The following SND1 variants were observed in gnomAD, a reference collection of about 807,000 sequenced individuals.
The protein encoded by SND1 is staphylococcal nuclease and tudor domain containing 1.
A neutral mutation model predicts 121.7 loss-of-function variants in SND1; 38 were observed. That is an observed-to-expected ratio of 0.31 (90% CI 0.24 to 0.41). The LOEUF is 0.41. SND1 is among the 10% of genes least tolerant of loss of function. The pLI, the probability that SND1 is intolerant of heterozygous loss-of-function variation, is 1.00. For missense variants in SND1, 868 were observed against 1,184.6 expected, an observed-to-expected ratio of 0.73 and a Z score of 3.92; for synonymous variants, 401 against 447.4, an observed-to-expected ratio of 0.90 and a Z score of 1.31.
At chr7:127,881,992 C>T (rs2116719303) in intron 12 of SND1, among the ~76,000 whole-genome samples, 1 of 152,246 alleles carries the variant, frequency 6.6e-6, no homozygotes, top group Non-Finnish European at 1.5e-5. Flanking sequence ...GTGGCTCATG[C>T]CTGTAATCTC....
intron 10 of SND1, among the ~76,000 whole-genome samples, chr7:127,802,088 A>G (rs1029614066): frequency 6.6e-6 from 1 of 151,844 alleles, no homozygotes; most frequent in African/African-American, 2.4e-5. Flanking sequence ...CTCATGATCC[A>G]CCTTCCTTGG....
chr7:127,750,568 C>T (rs760534905), intron 10 of SND1, among the ~76,000 whole-genome samples: 1 of 152,152 alleles, frequency 6.6e-6, no homozygotes, highest in Non-Finnish European at 1.5e-5. Context: ...TATTCCTTAT[C>T]TGAAATGCTT....
chr7:127,839,224 A>G (rs1013668160), intron 11 of SND1, among the ~76,000 whole-genome samples: 1 of 152,170 alleles, frequency 6.6e-6, no homozygotes, highest in Non-Finnish European at 1.5e-5. Context: ...GGCTTTCCAT[A>G]AAGTCTGGAA....
intron 14 of SND1, among the ~76,000 whole-genome samples, chr7:127,915,910 G>T (rs35521470): frequency 0.065 from 9,850 of 152,132 alleles, 413 homozygotes; most frequent in Middle Eastern, 0.19. Context: ...TAATTTGGAC[G>T]TTATAGTCCT....
chr7:127,813,971 C>T (rs1309736219), intron 11 of SND1, among the ~76,000 whole-genome samples: 5 of 152,136 alleles, frequency 3.3e-5, no homozygotes, highest in Admixed American at 6.5e-5. Context: ...AAATTTCTTC[C>T]GTATGCTCAC....
intron 1 of SND1, among the ~76,000 whole-genome samples, chr7:127,663,745 T>G (rs968581082): frequency 6.6e-6 from 1 of 152,192 alleles, no homozygotes; most frequent in Non-Finnish European, 1.5e-5. Context: ...TACTGACAGG[T>G]GGAGTAGATC....
chr7:127,667,232 A>G (rs1395136948), intron 1 of SND1, among the ~76,000 whole-genome samples: 1 of 152,174 alleles, frequency 6.6e-6, no homozygotes, highest in Non-Finnish European at 1.5e-5. Context: ...ACTGAGTATT[A>G]TACTTAACAT....
chr7:127,873,716 G>A (rs1799637991), intron 12 of SND1, among the ~76,000 whole-genome samples: 1 of 152,054 alleles, frequency 6.6e-6, no homozygotes, highest in African/African-American at 2.4e-5. Context: ...CATGATTATA[G>A]CATATTGCTT....
chr7:128,020,448 C>G (rs1803323687), intron 16 of SND1, among the ~76,000 whole-genome samples: 1 of 152,238 alleles, frequency 6.6e-6, no homozygotes, highest in South Asian at 2.1e-4. Context: ...GGTAAGGTCT[C>G]TGCATCACCA....
chr7:127,928,670 C>G (rs1800899571), intron 14 of SND1, among the ~76,000 whole-genome samples: 1 of 152,050 alleles, frequency 6.6e-6, no homozygotes, highest in Non-Finnish European at 1.5e-5. Context: ...CTCACTGCAA[C>G]CTCCACCTCC....
intron 11 of SND1, among the ~76,000 whole-genome samples, chr7:127,829,063 C>A (rs769850447): frequency 6.6e-6 from 1 of 152,100 alleles, no homozygotes; most frequent in African/African-American, 2.4e-5. Flanking sequence ...TGTATACTAG[C>A]GATACATTCA....
intron 15 of SND1, among the ~76,000 whole-genome samples, chr7:127,943,872 T>C (rs765187143): frequency 4.6e-5 from 7 of 152,212 alleles, no homozygotes; most frequent in South Asian, 2.1e-4. Flanking sequence ...AGAATATGTT[T>C]CATTTTTTCA....
At chr7:127,734,263 T>C (rs1018264343) in intron 10 of SND1, among the ~76,000 whole-genome samples, 1 of 152,226 alleles carries the variant, frequency 6.6e-6, no homozygotes. Flanking sequence ...AAAGGAGATA[T>C]AAGAGTTCTG....
At chr7:127,851,338 A>C (rs1408510385) in intron 12 of SND1, among the ~76,000 whole-genome samples, 1 of 152,222 alleles carries the variant, frequency 6.6e-6, no homozygotes, top group East Asian at 1.9e-4. Flanking sequence ...AGCCCAGGAG[A>C]GAGTAAGGCT....
chr7:128,013,245 C>T (rs890058842), intron 16 of SND1, among the ~76,000 whole-genome samples: 8 of 152,126 alleles, frequency 5.3e-5, no homozygotes, highest in Admixed American at 1.3e-4. Flanking sequence ...CAGAGTGCTC[C>T]CCCTTTATAT....
intron 16 of SND1, among the ~76,000 whole-genome samples, chr7:128,055,117 G>A (rs1371661459): frequency 6.6e-6 from 1 of 152,142 alleles, no homozygotes; most frequent in African/African-American, 2.4e-5. Context: ...GTTTTGTTTT[G>A]TTTCAGTTGG....
At chr7:128,053,732 C>T (rs558901585) in intron 16 of SND1, among the ~76,000 whole-genome samples, 4 of 152,026 alleles carry the variant, frequency 2.6e-5, no homozygotes, top group African/African-American at 4.8e-5. Flanking sequence ...AGTTTCAGAG[C>T]GGCACCTTTT....
chr7:127,727,756 G>A (rs570970345), intron 10 of SND1, among the ~76,000 whole-genome samples: 1 of 152,216 alleles, frequency 6.6e-6, no homozygotes, highest in East Asian at 1.9e-4. Context: ...GCTGGCGTAG[G>A]CATTCTGTAC....
chr7:127,790,823 G>A (rs1563014495), intron 10 of SND1, among the ~76,000 whole-genome samples: 1 of 152,120 alleles, frequency 6.6e-6, no homozygotes, highest in East Asian at 1.9e-4. Flanking sequence ...AGAATATTTG[G>A]CATCTGAGTC....
Sources: gnomAD v4.1 joint callset for allele counts (sites outside exome capture counted in the v4.1 genomes callset) on GRCh38, gnomAD v4.1.1 for gene constraint, MANE v1.5 for transcripts, NCBI Gene and HGNC (gene_info 2026-07-23, HGNC 2026-07-21) for gene names.